Variants in ATXN7L2 observed in about 807,000 individuals in gnomAD.
ATXN7L2 encodes the protein ataxin 7 like 2.
In ATXN7L2, 17 loss-of-function variants were observed where a neutral mutation model predicts 59.6. That is an observed-to-expected ratio of 0.29 (90% CI 0.20 to 0.43). The LOEUF (loss-of-function observed/expected upper bound fraction) is 0.43. ATXN7L2 is among the 20% of genes least tolerant of loss of function. ATXN7L2 has a pLI of 1.00. For missense variants in ATXN7L2, 858 were observed against 1,008.9 expected (o/e 0.85, Z 2.03); for synonymous variants, 378 against 392.5 (o/e 0.96, Z 0.44).
chr1:109,485,764 A>G (rs1656542939), intron 1 of ATXN7L2: 1 of 1,094,476 alleles, frequency 9.1e-7, no homozygotes, highest in Non-Finnish European at 1.1e-6. Flanking sequence ...GAAGGGTCCC[A>G]TAAGAAAGGT....
chr1:109,484,941 C>G (rs935163637), intron 1 of ATXN7L2, among the ~76,000 whole-genome samples: 3 of 152,206 alleles, frequency 2.0e-5, no homozygotes, highest in Non-Finnish European at 2.9e-5. Context: ...CCCGCACTTG[C>G]ATTTAACGGA....
At chr1:109,487,842 T>C in intron 5 of ATXN7L2, 38 bp downstream of exon 5, 1 of 1,552,142 alleles carries the variant, frequency 6.4e-7, no homozygotes, top group Non-Finnish European at 8.7e-7. Flanking sequence ...GAATGTAGAG[T>C]GGGGACTCCT....
chr1:109,489,366 A>G, intron 7 of ATXN7L2: 1 of 512,756 alleles, frequency 2.0e-6, no homozygotes, highest in Non-Finnish European at 3.4e-6. Flanking sequence ...CCTCCAACAG[A>G]CCGAAACTTG....
At position 109,488,519 on chromosome 1, in the gene ATXN7L2, C is replaced by T. The variant is rs377393957; in HGVS notation, c.879+54C>T. 4.8e-5 allele frequency: 72 copies of T among 1,514,678 alleles called. No homozygotes were observed. In the African/African-American group the frequency reaches 7.6e-4, roughly 16 times the overall value. 93.8% of individuals were successfully genotyped at this position (1,514,678 alleles called of 1,614,324 possible). A position where few individuals can be genotyped will look rare whatever the true frequency, so the allele number is the denominator to read the frequency against. On this transcript the variant is annotated intron_variant, in intron 6 of 10. Coordinates refer to ENST00000683729, the MANE Select transcript of ATXN7L2 (RefSeq NM_001350175.2). The surrounding 1 kb of genome is among the most constrained non-coding windows in gnomAD (Gnocchi z 5.0). Reference sequence around the variant, plus strand: ...GAGGACAGCACAGGGCTTGCCCACTCCTTCCCTGGGCAAAGAGAGGAATGT... The same window carrying T: ...GAGGACAGCACAGGGCTTGCCCACTTCTTCCCTGGGCAAAGAGAGGAATGT...
chr1:109,487,059 T>G lies in ATXN7L2; in HGVS notation c.351T>G (p.Pro117=), dbSNP rs1446978870. The change falls in exon 4 of 11, where the codon CCT becomes CCG. Residue 117 remains proline, a synonymous_variant. Coordinates refer to ENST00000683729, the MANE Select transcript of ATXN7L2 (RefSeq NM_001350175.2). ...TTTATGGCCGGGCCCCACCCCCACC[T>G]CCAGCCCCTGCCAGCTCTCAGAAAT... ...SKLYGRAPPP[P]PAPASSQKCH... The G allele has an allele frequency of 3.1e-6, 5 of 1,605,422 alleles. No individual in the cohort carries two copies. The South Asian group carries it at 4.4e-5, about 14-fold the overall frequency.
intron 7 of ATXN7L2, 94 bp downstream of exon 7, chr1:109,489,194 A>G (rs1656830971): frequency 4.1e-6 from 6 of 1,462,194 alleles, no homozygotes; most frequent in Non-Finnish European, 4.6e-6. Context: ...GTGTCCTGGA[A>G]GAGGCACTCC....
In ATXN7L2 at chr1:109,486,919, C is replaced by A; in HGVS notation, c.299-88C>A. 8.4e-7 allele frequency: 1 copy of A among 1,193,760 alleles called. No homozygotes were observed. Among genetic ancestry groups the A allele is most frequent in the Non-Finnish European group, 1.2e-6 (1 of 864,524 alleles). The allele number at this position is 1,193,760 out of a possible 1,614,324, so 73.9% of individuals were successfully genotyped here. On this transcript the variant is annotated intron_variant, in intron 3 of 10. Coordinates refer to ENST00000683729, the MANE Select transcript of ATXN7L2 (RefSeq NM_001350175.2). This position sits in a 1 kb window ranked among gnomAD's most constrained non-coding sequence, Gnocchi z 4.3. ...TCTAATTTATGGAAACTCAGATTCT[C>A]TCATGTGAGTCTATGGACATGGTTA...
Position 109,490,983 on chromosome 1 carries a change from C to T in ATXN7L2, c.1516C>T (p.Leu506=), listed in dbSNP as rs759632851. ...HLVNSPLSAP[L]SPSSTGTCPR... The stretch of plus-strand genomic sequence containing the variant: ...TGTCAACTCCCCGTTATCTGCTCCC[C>T]TGAGCCCATCCTCTACAGGCACCTG... Residue 506 remains leucine (L), a synonymous_variant, in exon 10 of 11, where the codon CTG becomes TTG. Transcript: ENST00000683729. 3.7e-6 allele frequency: 6 copies of T among 1,611,716 alleles called. No homozygotes were observed. The highest frequency in any genetic ancestry group is 3.3e-5 in the Admixed American group (2 of 59,862).
At position 109,486,426 on chromosome 1, in the gene ATXN7L2, G is replaced by A. The variant is rs1052366903; in HGVS notation, c.194-80G>A. 3.3e-6 allele frequency: 4 copies of A among 1,228,688 alleles called. No individual in the cohort carries two copies. In the South Asian group the frequency reaches 4.1e-5, roughly 13 times the overall value. The allele number at this position is 1,228,688 out of a possible 1,614,324, so 76.1% of individuals were successfully genotyped here. On this transcript the variant is annotated intron_variant, in intron 2 of 10. Coordinates refer to ENST00000683729, the MANE Select transcript of ATXN7L2 (RefSeq NM_001350175.2). The surrounding 1 kb of genome is among the most constrained non-coding windows in gnomAD (Gnocchi z 4.3). ...CGGGGAGGTGAAGTGCCTTCTGAGT[G>A]TGGGGTGGGAGTGCTCTCCGATCTT...
In ATXN7L2 at chr1:109,487,249, GC is replaced by G. The variant is rs557495851; in HGVS notation, c.509+35del. 3.1e-3 allele frequency: 4,575 copies of G among 1,473,412 alleles called. 14 individuals carry two copies. The highest frequency in any genetic ancestry group is 4.4e-3 in the Middle Eastern group (22 of 5,006). 91.3% of individuals were successfully genotyped at this position (1,473,412 alleles called of 1,614,324 possible). ...AGAGGCTGGAAACTTTCTAAGACTGGCCCTGACCCTGACCCATGGATGGGCT... is the reference window on the plus strand; with the variant it reads ...AGAGGCTGGAAACTTTCTAAGACTGGCCTGACCCTGACCCATGGATGGGCT... On this transcript the variant is annotated intron_variant, in intron 4 of 10. Transcript: ENST00000683729.
At position 109,487,064 on chromosome 1, in the gene ATXN7L2, C is replaced by T; in HGVS notation, c.356C>T (p.Ala119Val). The change falls in exon 4 of 11, where the codon GCC (alanine) becomes GTC (valine). Residue 119 changes from alanine to valine, a missense_variant. By Grantham distance (64) the Ala-to-Val change is moderately conservative. This residue lies in a region of ATXN7L2 where 734 missense variants were observed against 862.3 expected (regional missense o/e 0.85). Transcript: ENST00000683729. The stretch of plus-strand genomic sequence containing the variant: ...GGCCGGGCCCCACCCCCACCTCCAG[C>T]CCCTGCCAGCTCTCAGAAATGCCAT... ...LYGRAPPPPP[A>V]PASSQKCHVV... 6.2e-7 allele frequency: 1 copy of T among 1,613,014 alleles called. No homozygotes were observed. Among genetic ancestry groups the T allele is most frequent in the Non-Finnish European group, 8.5e-7 (1 of 1,179,488 alleles).
In ATXN7L2 at chr1:109,486,400, G is replaced by T; in HGVS notation, c.194-106G>T. 9.8e-7 allele frequency: 1 copy of T among 1,022,600 alleles called. No individual in the cohort carries two copies. The highest frequency in any genetic ancestry group is 1.6e-5 in the South Asian group (1 of 63,372). The allele number at this position is 1,022,600 out of a possible 1,614,324, so 63.3% of individuals were successfully genotyped here. On this transcript the variant is annotated intron_variant, in intron 2 of 10. Transcript: ENST00000683729. The surrounding 1 kb of genome is among the most constrained non-coding windows in gnomAD (Gnocchi z 4.3). ...ATTCAGCATGGAGCTTGTTATATCA[G>T]CGGGGAGGTGAAGTGCCTTCTGAGT...
Position 109,488,589 on chromosome 1 carries a change from C to T in ATXN7L2, c.879+124C>T, listed in dbSNP as rs946108752. ...GCTTAAGGGAGGGCAGTTAGGCCCACCCAAGGGAAGGGGAGATGGGTATGC... is the reference window on the plus strand; with the variant it reads ...GCTTAAGGGAGGGCAGTTAGGCCCATCCAAGGGAAGGGGAGATGGGTATGC... On this transcript the variant is annotated intron_variant, in intron 6 of 10. Coordinates refer to ENST00000683729, the MANE Select transcript of ATXN7L2 (RefSeq NM_001350175.2). This position sits in a 1 kb window ranked among gnomAD's most constrained non-coding sequence, Gnocchi z 5.0. The T allele has an allele frequency of 6.8e-6, 8 of 1,178,334 alleles. No homozygotes were observed. Among genetic ancestry groups the T allele is most frequent in the Admixed American group, 4.7e-5 (2 of 42,766 alleles). 73.0% of individuals were successfully genotyped at this position (1,178,334 alleles called of 1,614,324 possible). A position where few individuals can be genotyped will look rare whatever the true frequency, so the allele number is the denominator to read the frequency against.
At chr1:109,487,494 C>T (rs1398974995) in intron 4 of ATXN7L2, 24 bp from the exon 5 acceptor site, 96 of 1,478,388 alleles carry the variant, frequency 6.5e-5, no homozygotes, top group Non-Finnish European at 8.0e-5. Flanking sequence ...CCTCCCTCAG[C>T]CAACCCCCTC....
chr1:109,492,025 A>G, intron 10 of ATXN7L2: 2 of 1,157,680 alleles, frequency 1.7e-6, no homozygotes, highest in East Asian at 4.4e-5. Flanking sequence ...CCCTCATTCC[A>G]GGTACTGGAG....
At chr1:109,490,822 G>T in intron 9 of ATXN7L2, 100 bp from the exon 10 acceptor site, 1 of 1,353,868 alleles carries the variant, frequency 7.4e-7, no homozygotes, top group Non-Finnish European at 1.0e-6. Context: ...GGGCTCTGCT[G>T]ACCATTTCTA....
Position 109,488,406 on chromosome 1 carries a change from C to T in ATXN7L2, c.820C>T (p.Gln274Ter), listed in dbSNP as rs777104777. 2 of 1,602,700 alleles carry T rather than the reference C, an allele frequency of 1.2e-6. No individual in the cohort carries two copies. Among genetic ancestry groups the T allele is most frequent in the Admixed American group, 1.7e-5 (1 of 59,222 alleles). ...MARKECDLNR[Q>*]CGVINPETKK... is the part of the protein sequence containing the mutation. ...AGGGAAGGAGTGCGACCTCAACAGG[C>T]AGTGTGGGGTAATAAATCCAGAGAC... Residue 274 changes from glutamine (Q) to a stop codon, truncating the protein, a stop_gained, in exon 6 of 11, where the codon CAG (glutamine) becomes TAG (stop). Transcript: ENST00000683729. LOFTEE classifies it high-confidence loss of function. This position sits in a 1 kb window ranked among gnomAD's most constrained non-coding sequence, Gnocchi z 5.0.
At chr1:109,492,014 ACC>A in intron 10 of ATXN7L2, 1 of 1,182,496 alleles carries the variant, frequency 8.5e-7, no homozygotes, top group Non-Finnish European at 1.1e-6. Context: ...ATTGGCTGTG[ACC>A]CTCATTCCAG....
intron 10 of ATXN7L2, chr1:109,492,027 G>T: frequency 6.9e-6 from 8 of 1,157,632 alleles, no homozygotes; most frequent in Non-Finnish European, 8.5e-6. Context: ...CTCATTCCAG[G>T]TACTGGAGCT....
Sources: gnomAD v4.1 joint callset for allele counts (sites outside exome capture counted in the v4.1 genomes callset) on GRCh38, gnomAD v4.1.1 for gene constraint, gnomAD v4.1.1 regional missense constraint, Gnocchi (gnomAD v3.1) non-coding constraint, MANE v1.5 for transcripts, NCBI Gene and HGNC (gene_info 2026-07-23, HGNC 2026-07-21) for gene names.